Variants in NRXN1 observed in about 807,000 individuals in gnomAD.
The protein encoded by NRXN1 is neurexin-1.
A neutral mutation model predicts 150.9 loss-of-function variants in NRXN1; 39 were observed. The ratio of observed to expected loss-of-function variants is 0.26; its 90% CI spans 0.20 to 0.34. NRXN1 has a LOEUF of 0.34. Among genes scored for constraint, NRXN1 ranks in the 10% least tolerant of loss-of-function variants. The probability of loss-of-function intolerance (pLI) is 1.00; values close to 1 mark genes in which losing one functional copy is unlikely to be tolerated. For synonymous variants in NRXN1, 924 were observed against 757.0 expected (o/e 1.22, Z -3.62); for missense variants, 1,815 against 1,949.9 (o/e 0.93, Z 1.30).
At chr2:50,211,405 C>A (rs183922674) in intron 18 of NRXN1, among the ~76,000 whole-genome samples, 12 of 151,540 alleles carry the variant, frequency 7.9e-5, no homozygotes, top group African/African-American at 2.7e-4. Context: ...ACTATTTCTT[C>A]TTAAGATGAA....
At chr2:50,406,099 T>C (rs2082732073) in intron 17 of NRXN1, among the ~76,000 whole-genome samples, 1 of 152,134 alleles carries the variant, frequency 6.6e-6, no homozygotes, top group Admixed American at 6.6e-5. Context: ...CCTCCTCTGA[T>C]ACATTTTCAA....
chr2:50,915,812 T>C (rs1685139471), intron 5 of NRXN1, among the ~76,000 whole-genome samples: 2 of 151,160 alleles, frequency 1.3e-5, no homozygotes, highest in African/African-American at 4.8e-5. Flanking sequence ...GCCTCCTCTA[T>C]GCACTTTTGC....
intron 5 of NRXN1, among the ~76,000 whole-genome samples, chr2:50,733,200 T>C (rs575855263): frequency 2.4e-4 from 36 of 152,248 alleles, no homozygotes; most frequent in Middle Eastern, 3.4e-3. Context: ...TTATTGTTGA[T>C]TGAATCAGCA....
At chr2:50,180,358 G>A (rs561701055) in intron 18 of NRXN1, among the ~76,000 whole-genome samples, 74 of 152,124 alleles carry the variant, frequency 4.9e-4, no homozygotes, top group South Asian at 3.5e-3. Context: ...AGCTAATTCT[G>A]ATGAGAATCC....
chr2:50,110,639 A>G (rs923866576), intron 18 of NRXN1, among the ~76,000 whole-genome samples: 1 of 152,132 alleles, frequency 6.6e-6, no homozygotes, highest in African/African-American at 2.4e-5. Context: ...GTGCAAATTA[A>G]TAAGTCCTAG....
intron 5 of NRXN1, among the ~76,000 whole-genome samples, chr2:50,766,037 T>C (rs1702344973): frequency 6.6e-6 from 1 of 152,170 alleles, no homozygotes; most frequent in South Asian, 2.1e-4. Context: ...TTAGAGCTCA[T>C]GTACTACAAC....
intron 5 of NRXN1, among the ~76,000 whole-genome samples, chr2:50,680,819 G>A (rs1690272190): frequency 1.3e-5 from 2 of 151,908 alleles, no homozygotes; most frequent in South Asian, 2.1e-4. Context: ...TGGATTCAAG[G>A]TTATGCTATT....
chr2:50,112,244 C>T (rs1288609915), intron 18 of NRXN1, among the ~76,000 whole-genome samples: 1 of 152,218 alleles, frequency 6.6e-6, no homozygotes, highest in African/African-American at 2.4e-5. Context: ...ACTCCTACCT[C>T]TGCTGTGCAA....
chr2:49,996,337 A>G (rs1682998547), intron 21 of NRXN1, among the ~76,000 whole-genome samples: 2 of 152,234 alleles, frequency 1.3e-5, no homozygotes, highest in South Asian at 4.1e-4. Context: ...ATAAGCAAGG[A>G]CATTAAAAAG....
chr2:50,705,106 A>G (rs1559147408), intron 5 of NRXN1, among the ~76,000 whole-genome samples: 1 of 151,712 alleles, frequency 6.6e-6, no homozygotes, highest in African/African-American at 2.4e-5. Flanking sequence ...GATTTCTAGC[A>G]TAAATCTACT....
At chr2:50,258,172 G>A (rs922590617) in intron 17 of NRXN1, among the ~76,000 whole-genome samples, 2 of 152,000 alleles carry the variant, frequency 1.3e-5, no homozygotes, top group East Asian at 3.9e-4. Flanking sequence ...GCAGTTTGCT[G>A]CATCAAATGA....
intron 2 of NRXN1, among the ~76,000 whole-genome samples, chr2:50,952,777 G>C (rs1221753256): frequency 6.6e-6 from 1 of 152,096 alleles, no homozygotes; most frequent in African/African-American, 2.4e-5. Flanking sequence ...TTTCTACTCT[G>C]AATCATACTC....
intron 5 of NRXN1, among the ~76,000 whole-genome samples, chr2:50,798,441 A>G (rs764063195): frequency 2.6e-5 from 4 of 152,218 alleles, no homozygotes; most frequent in Non-Finnish European, 4.4e-5. Context: ...AAAAGGAATG[A>G]TAACTTTATA....
At chr2:50,215,941 T>G (rs1279653551) in intron 18 of NRXN1, among the ~76,000 whole-genome samples, 4 of 152,108 alleles carry the variant, frequency 2.6e-5, no homozygotes, top group African/African-American at 9.6e-5. Flanking sequence ...CTGAATGTGG[T>G]TAAACCTCAT....
chr2:50,823,521 C>T (rs528271601), intron 5 of NRXN1, among the ~76,000 whole-genome samples: 3 of 152,284 alleles, frequency 2.0e-5, no homozygotes, highest in South Asian at 4.1e-4. Context: ...TCAACATTCA[C>T]ATTCCTGATT....
intron 17 of NRXN1, among the ~76,000 whole-genome samples, chr2:50,333,180 C>T (rs2076942613): frequency 6.6e-6 from 1 of 152,164 alleles, no homozygotes; most frequent in Non-Finnish European, 1.5e-5. Flanking sequence ...ATAGCCTGTG[C>T]TCCCCTACGT....
intron 17 of NRXN1, among the ~76,000 whole-genome samples, chr2:50,273,184 G>A (rs1000424137): frequency 6.6e-6 from 1 of 152,168 alleles, no homozygotes; most frequent in South Asian, 2.1e-4. Context: ...AGGAAGGGAA[G>A]TTTGGATTCA....
chr2:50,560,507 T>G (rs1217268192), intron 8 of NRXN1, among the ~76,000 whole-genome samples: 1 of 151,874 alleles, frequency 6.6e-6, no homozygotes, highest in Non-Finnish European at 1.5e-5. Flanking sequence ...ATAATGCAAC[T>G]ATGCAACCTC....
chr2:50,119,483 C>T (rs1047198173), intron 18 of NRXN1, among the ~76,000 whole-genome samples: 3 of 151,436 alleles, frequency 2.0e-5, no homozygotes, highest in African/African-American at 7.3e-5. Context: ...TTTGTCATGT[C>T]TAAAGCCCCG....
Sources: allele counts gnomAD v4.1 joint callset (sites outside exome capture counted in the v4.1 genomes callset), GRCh38; gene constraint gnomAD v4.1.1; transcripts MANE v1.5; gene names NCBI Gene and HGNC (gene_info 2026-07-23, HGNC 2026-07-21).